The following PLA2G2E variants were observed in gnomAD, a reference collection of about 807,000 sequenced individuals.
PLA2G2E encodes group IIE secretory phospholipase A2.
In PLA2G2E, 14 loss-of-function variants were observed where a neutral mutation model predicts 16.5. That is an observed-to-expected ratio of 0.85 (90% CI 0.56 to 1.33). PLA2G2E has a LOEUF of 1.33. PLA2G2E is among the 40% of genes most tolerant of loss of function. PLA2G2E has a pLI of 0.00. For missense variants in PLA2G2E, 174 were observed against 190.7 expected (o/e 0.91, Z 0.52); for synonymous variants, 72 against 77.2 (o/e 0.93, Z 0.36).
In PLA2G2E at chr1:19,920,458, GAC is replaced by G; in HGVS notation, c.287-11_287-10del. 1 of 1,612,790 alleles carries G rather than the reference GAC, an allele frequency of 6.2e-7. No individual in the cohort carries two copies. The highest frequency in any genetic ancestry group is 8.5e-7 in the Non-Finnish European group (1 of 1,179,614). On this transcript the variant is annotated splice_polypyrimidine_tract_variant and intron_variant, in intron 3 of 3. Coordinates refer to ENST00000375116, the MANE Select transcript of PLA2G2E (RefSeq NM_014589.3). The surrounding 1 kb of genome is among the most constrained non-coding windows in gnomAD (Gnocchi z 4.3). ...GCAGGTGGTCCTGCCGGCTGGATGG[GAC>G]AAAGTGAGTCAGGGACCACAGAAGC...
chr1:19,920,284 CG>C lies in PLA2G2E; in HGVS notation c.*22del, dbSNP rs142945210. ...CAGCCCGAGGCGGGACCTCCAGGGA[CG>C]GGGGGGAGGCCGAGCATAGCCTCAG... is the stretch of plus-strand genomic sequence containing the variant. On this transcript the variant is annotated 3_prime_UTR_variant, in exon 4 of 4. Transcript: ENST00000375116. This position sits in a 1 kb window ranked among gnomAD's most constrained non-coding sequence, Gnocchi z 4.3. 2.1e-5 allele frequency: 33 copies of C among 1,599,942 alleles called. No individual in the cohort carries two copies. The highest frequency in any genetic ancestry group is 2.2e-4 in the Middle Eastern group (1 of 4,538).
rs2045822631 is a variant in PLA2G2E, at chr1:19,922,323, A to G, written c.261T>C (p.Ser87=). The change falls in exon 3 of 4, where the codon TCT becomes TCC. Residue 87 remains serine, a synonymous_variant. Coordinates refer to ENST00000375116, the MANE Select transcript of PLA2G2E (RefSeq NM_014589.3). ...CEPKLEKYLF[S]VSERGIFCAG... is the part of the protein sequence containing the mutation. ...CGCAGAAAATGCCACGTTCGCTGAC[A>G]GAGAAAAGATACTTTTCCAGTTTGG... is the stretch of plus-strand genomic sequence containing the variant. 1.2e-6 allele frequency: 2 copies of G among 1,613,824 alleles called. No homozygotes were observed. Among genetic ancestry groups the G allele is most frequent in the South Asian group, 2.2e-5 (2 of 91,080 alleles).
chr1:19,920,558 T>A lies in PLA2G2E; in HGVS notation c.287-109A>T. The A allele has an allele frequency of 8.9e-7, 1 of 1,129,106 alleles. No homozygotes were observed. The highest frequency in any genetic ancestry group is 1.5e-5 in the South Asian group (1 of 66,330). 69.9% of individuals were successfully genotyped at this position (1,129,106 alleles called of 1,614,324 possible). On this transcript the variant is annotated intron_variant, in intron 3 of 3. Coordinates refer to ENST00000375116, the MANE Select transcript of PLA2G2E (RefSeq NM_014589.3). This position sits in a 1 kb window ranked among gnomAD's most constrained non-coding sequence, Gnocchi z 4.3. ...TTGACCTGGACCAACTCCATTCTGA[T>A]GGAAGCCCAAGCTCCCGGGTTGTTT...
chr1:19,922,216 A>C (rs1108974), intron 3 of PLA2G2E, 82 bp downstream of exon 3: 1 of 950,336 alleles, frequency 1.1e-6, no homozygotes, highest in Non-Finnish European at 1.7e-6. Flanking sequence ...CAAGGTCACC[A>C]TCAGGAGGGG....
Position 19,920,215 on chromosome 1 carries a change from G to C in PLA2G2E, c.*92C>G, listed in dbSNP as rs1475205574. On this transcript the variant is annotated 3_prime_UTR_variant, in exon 4 of 4. Transcript: ENST00000375116. The surrounding 1 kb of genome is among the most constrained non-coding windows in gnomAD (Gnocchi z 4.3). ...GTTTGCAGGAAAGGAATTTTCCAAA[G>C]GGAGGGCCTTTGGTGCCAATGTTCC... 3.6e-6 allele frequency: 4 copies of C among 1,126,598 alleles called. No individual in the cohort carries two copies. Among genetic ancestry groups the C allele is most frequent in the African/African-American group, 1.5e-5 (1 of 65,332 alleles). The allele number at this position is 1,126,598 out of a possible 1,614,324, so 69.8% of individuals were successfully genotyped here. A position where few individuals can be genotyped will look rare whatever the true frequency, so the allele number is the denominator to read the frequency against.
intron 3 of PLA2G2E, 26 bp downstream of exon 3, chr1:19,922,272 A>G (rs2100355906): frequency 6.5e-7 from 1 of 1,530,486 alleles, no homozygotes; most frequent in South Asian, 1.1e-5. Context: ...CAGGGTGTCT[A>G]GGTCACTTCA....
intron 3 of PLA2G2E, among the ~76,000 whole-genome samples, chr1:19,921,330 T>A (rs2045812907): frequency 6.6e-6 from 1 of 152,168 alleles, no homozygotes; most frequent in African/African-American, 2.4e-5. Context: ...GCTGGGGAAG[T>A]GGGTATAAGC....
intron 3 of PLA2G2E, 133 bp downstream of exon 3, chr1:19,922,165 A>C: frequency 1.6e-6 from 1 of 636,962 alleles, no homozygotes; most frequent in Non-Finnish European, 2.8e-6. Context: ...GGTAACGGGA[A>C]ACCCCATGCC....
In PLA2G2E at chr1:19,922,756, C is replaced by T. The variant is rs752217336; in HGVS notation, c.41-1G>A. ...ACCAGGTTCCCGGTGACCAGAGCCACTGCAGAGAGGGAGAGGGAGAGGGAG... is the reference window on the plus strand; with the variant it reads ...ACCAGGTTCCCGGTGACCAGAGCCATTGCAGAGAGGGAGAGGGAGAGGGAG... On this transcript the variant is annotated splice_acceptor_variant, in intron 1 of 3. Transcript: ENST00000375116. LOFTEE classifies it high-confidence loss of function. 7 of 1,608,168 alleles carry T rather than the reference C, an allele frequency of 4.4e-6. No individual in the cohort carries two copies. The African/African-American group carries it at 8.4e-5, about 19-fold the overall frequency.
chr1:19,920,340 G>C lies in PLA2G2E; in HGVS notation c.396C>G (p.Asn132Lys). ...TYNRKYAHYP[N>K]KLCTGPTPPC ...GCGGGGTGGGCCCGGTGCACAGCTTGTTGGGATAATGGGCATATTTGCGGT... is the reference window on the plus strand; with the variant it reads ...GCGGGGTGGGCCCGGTGCACAGCTTCTTGGGATAATGGGCATATTTGCGGT... Residue 132 changes from asparagine (N) to lysine (K), a missense_variant, in exon 4 of 4, where the codon AAC (asparagine) becomes AAG (lysine). Physicochemically the swap from Asn to Lys is moderately conservative, Grantham distance 94. Transcript: ENST00000375116. The surrounding 1 kb of genome is among the most constrained non-coding windows in gnomAD (Gnocchi z 4.3). 6.2e-7 allele frequency: 1 copy of C among 1,613,368 alleles called. No homozygotes were observed. Among genetic ancestry groups the C allele is most frequent in the South Asian group, 1.1e-5 (1 of 91,034 alleles).
Position 19,920,403 on chromosome 1 carries a change from C to A in PLA2G2E, c.333G>T (p.Arg111Ser). 6.2e-7 allele frequency: 1 copy of A among 1,613,902 alleles called. No individual in the cohort carries two copies. Among genetic ancestry groups the A allele is most frequent in the African/African-American group, 1.3e-5 (1 of 75,032 alleles). Residue 111 changes from arginine to serine, a missense_variant, in exon 4 of 4, where the codon AGG becomes AGT. By Grantham distance (110) the Arg-to-Ser change is moderately radical (BLOSUM62 -1). Coordinates refer to ENST00000375116, the MANE Select transcript of PLA2G2E (RefSeq NM_014589.3). The surrounding 1 kb of genome is among the most constrained non-coding windows in gnomAD (Gnocchi z 4.3). ...GGTTGCGGCGAAAGCAGAGGGCAGC[C>A]CTCTTGTCACACTCGCAGGTCAGCC... ...CQRLTCECDK[R>S]AALCFRRNLG...
At chr1:19,921,939 C>T (rs1473521527) in intron 3 of PLA2G2E, among the ~76,000 whole-genome samples, 1 of 152,248 alleles carries the variant, frequency 6.6e-6, no homozygotes, top group African/African-American at 2.4e-5. Flanking sequence ...GTCCGAAGGA[C>T]TTCACCTTTA....
chr1:19,922,951 C>T (rs1031140940), intron 1 of PLA2G2E, among the ~76,000 whole-genome samples, 196 bp from the exon 2 acceptor site: 4 of 152,154 alleles, frequency 2.6e-5, no homozygotes, highest in Non-Finnish European at 5.9e-5. Flanking sequence ...GCACCTTCAT[C>T]CCCTAGTCCT....
intron 3 of PLA2G2E, among the ~76,000 whole-genome samples, chr1:19,922,095 T>C (rs2045820977): frequency 6.6e-6 from 1 of 152,098 alleles, no homozygotes; most frequent in African/African-American, 2.4e-5. Flanking sequence ...GCTGCACTGA[T>C]GGGGTACGGG....
chr1:19,921,539 C>G (rs1263025322), intron 3 of PLA2G2E, among the ~76,000 whole-genome samples: 1 of 152,206 alleles, frequency 6.6e-6, no homozygotes, highest in South Asian at 2.1e-4. Context: ...AGACTCAGTA[C>G]CTGGCACATT....
chr1:19,921,558 G>A (rs2045815678), intron 3 of PLA2G2E, among the ~76,000 whole-genome samples: 2 of 152,184 alleles, frequency 1.3e-5, no homozygotes, highest in South Asian at 4.1e-4. Context: ...TTGCCCTGCC[G>A]AGTGGTTGGC....
intron 3 of PLA2G2E, among the ~76,000 whole-genome samples, chr1:19,921,450 C>T (rs1277750223): frequency 6.6e-6 from 1 of 152,214 alleles, no homozygotes; most frequent in Admixed American, 6.5e-5. Flanking sequence ...GAGCTTGTGT[C>T]TCCACCCACC....
At position 19,922,286 on chromosome 1, in the gene PLA2G2E, C is replaced by T. The variant is rs1412310980; in HGVS notation, c.286+12G>A. The T allele has an allele frequency of 1.2e-6, 2 of 1,600,278 alleles. No homozygotes were observed. Among genetic ancestry groups the T allele is most frequent in the Non-Finnish European group, 1.7e-6 (2 of 1,168,178 alleles). ...GCAGGGTGTCTAGGTCACTTCAGGGCTCTCCACCTACCGCAGAAAATGCCA... is the reference window on the plus strand; with the variant it reads ...GCAGGGTGTCTAGGTCACTTCAGGGTTCTCCACCTACCGCAGAAAATGCCA... On this transcript the variant is annotated intron_variant, in intron 3 of 3. Coordinates refer to ENST00000375116, the MANE Select transcript of PLA2G2E (RefSeq NM_014589.3).
At chr1:19,922,197 G>T in intron 3 of PLA2G2E, 101 bp downstream of exon 3, 1 of 780,114 alleles carries the variant, frequency 1.3e-6, no homozygotes, top group Non-Finnish European at 2.1e-6. Context: ...GTCTGGCTCT[G>T]ATAAGGCCCA....
Sources: allele counts gnomAD v4.1 joint callset (sites outside exome capture counted in the v4.1 genomes callset), GRCh38; gene constraint gnomAD v4.1.1; non-coding constraint Gnocchi (gnomAD v3.1); transcripts MANE v1.5; gene names NCBI Gene and HGNC (gene_info 2026-07-23, HGNC 2026-07-21).